The following USP54 variants were observed in gnomAD, a reference collection of about 807,000 sequenced individuals.
USP54 encodes the protein ubiquitin specific peptidase 54, also known as ubiquitin carboxyl-terminal hydrolase 54.
A neutral mutation model predicts 170.5 loss-of-function variants in USP54; 87 were observed. The ratio of observed to expected loss-of-function variants is 0.51; its 90% confidence interval spans 0.43 to 0.61. The LOEUF (loss-of-function observed/expected upper bound fraction) is 0.61. Ranked by LOEUF, USP54 falls within the 20% of genes least tolerant of loss-of-function variation. The probability of loss-of-function intolerance (pLI) is 0.00; values close to 1 mark genes in which losing one functional copy is unlikely to be tolerated. For missense variants in USP54, 1,786 were observed against 2,047.8 expected, an observed-to-expected ratio of 0.87 and a Z score of 2.47; for synonymous variants, 655 against 742.8, an observed-to-expected ratio of 0.88 and a Z score of 1.92.
chr10:73,513,811 A>T (rs996842033), intron 20 of USP54, among the ~76,000 whole-genome samples: 1 of 151,576 alleles, frequency 6.6e-6, no homozygotes, highest in Non-Finnish European at 1.5e-5. Flanking sequence ...GGTAATACAA[A>T]TTTTTTTTTG....
chr10:73,593,376 CAAA>C (rs772703814), upstream of USP54, among the ~76,000 whole-genome samples: 13 of 60,342 alleles, frequency 2.2e-4, no homozygotes, highest in Non-Finnish European at 2.1e-4. Context: ...GACCCTGTCT[CAAA>C]AAAAAAAAAA....
intron 1 of USP54, among the ~76,000 whole-genome samples, chr10:73,587,318 C>A (rs1231072802): frequency 5.3e-5 from 8 of 151,838 alleles, no homozygotes; most frequent in African/African-American, 1.9e-4. Context: ...CTAAAAAACA[C>A]AAAAAAATTA....
At chr10:73,504,728 G>T in intron 22 of USP54, 122 bp downstream of exon 22, 1 of 1,292,398 alleles carries the variant, frequency 7.7e-7, no homozygotes, top group Non-Finnish European at 1.1e-6. Context: ...TATTTTTGCT[G>T]AGTACACAGG....
Position 73,534,622 on chromosome 10 carries a change from C to T in USP54, c.1293G>A (p.Met431Ile). ...TACCTGTGTCCCGACTGCTCTGAGA[C>T]ATGGAATCATTTTCCACATTATAGA... ...TVIYNVENDS[M>I]SQSSRDTGHL... is the part of the protein sequence containing the mutation. Residue 431 changes from methionine to isoleucine, a missense_variant, in exon 12 of 24, where the codon ATG becomes ATA. By Grantham distance (10) the Met-to-Ile change is conservative (BLOSUM62 1). This residue lies in a region of USP54 where 1,418 missense variants were observed against 1,569.0 expected (regional missense o/e 0.90). Transcript: ENST00000687698. 1 of 1,614,046 alleles carries T rather than the reference C, an allele frequency of 6.2e-7. No individual in the cohort carries two copies. The highest frequency in any genetic ancestry group is 1.1e-5 in the South Asian group (1 of 91,084).
At chr10:73,502,869 A>G (rs2058406373) in intron 22 of USP54, among the ~76,000 whole-genome samples, 2 of 152,050 alleles carry the variant, frequency 1.3e-5, no homozygotes, top group African/African-American at 4.8e-5. Context: ...CCTGCCAGAT[A>G]CCTCCACTCA....
At chr10:73,513,016 C>A (rs905329547) in intron 20 of USP54, among the ~76,000 whole-genome samples, 8 of 151,124 alleles carry the variant, frequency 5.3e-5, no homozygotes, top group East Asian at 4.0e-4. Context: ...CAACATGAGA[C>A]CCTGTCTCAA....
In USP54 at chr10:73,536,403, C is replaced by A; in HGVS notation, c.1010G>T (p.Cys337Phe). 6.3e-7 allele frequency: 1 copy of A among 1,581,630 alleles called. No homozygotes were observed. The highest frequency in any genetic ancestry group is 1.2e-5 in the South Asian group (1 of 85,268). ...GPKWKDVVTK[C>F]IKGHYQPLLL... ...CAGGGGCTGATAATGCCCCTTGATGCATTTGGTCACCACATCCTTCCATTT... is the reference window on the plus strand; with the variant it reads ...CAGGGGCTGATAATGCCCCTTGATGAATTTGGTCACCACATCCTTCCATTT... The change falls in exon 11 of 24, where the codon TGC becomes TTC. Residue 337 changes from cysteine (C) to phenylalanine (F), a missense_variant. Coordinates refer to ENST00000687698, the MANE Select transcript of USP54 (RefSeq NM_001391956.1).
At chr10:73,526,573 G>C in intron 16 of USP54, 74 bp downstream of exon 16, 1 of 1,584,344 alleles carries the variant, frequency 6.3e-7, no homozygotes, top group Non-Finnish European at 8.6e-7. Context: ...TTTCAAATGT[G>C]CTCAGGTAAG....
intron 4 of USP54, among the ~76,000 whole-genome samples, chr10:73,547,980 C>T (rs932925847): frequency 1.3e-5 from 2 of 151,928 alleles, no homozygotes; most frequent in African/African-American, 4.8e-5. Flanking sequence ...GCAATCTATC[C>T]ATGTGACAAA....
At chr10:73,604,384 A>G (rs1415811418) in intron 1 of USP54, among the ~76,000 whole-genome samples, 1 of 152,200 alleles carries the variant, frequency 6.6e-6, no homozygotes, top group Non-Finnish European at 1.5e-5. Flanking sequence ...ATAGTTCTTC[A>G]AAATTAAAAT....
Position 73,505,371 on chromosome 10 carries a change from T to C in USP54, c.4107A>G (p.Ser1369=). ...RLHSAHDPGL[S]KTSTAEMEHG... ...GCTCCATTTCTGCTGTTGAAGTCTT[T>C]GAGAGACCAGGATCATGGGCTGAGT... is the stretch of plus-strand genomic sequence containing the variant. The change falls in exon 21 of 24, where the codon TCA becomes TCG. Residue 1369 remains serine (S), a synonymous_variant. Coordinates refer to ENST00000687698, the MANE Select transcript of USP54 (RefSeq NM_001391956.1). 1 of 1,614,106 alleles carries C rather than the reference T, an allele frequency of 6.2e-7. No homozygotes were observed. The highest frequency in any genetic ancestry group is 8.5e-7 in the Non-Finnish European group (1 of 1,180,010).
chr10:73,539,540 A>T lies in USP54; in HGVS notation c.879T>A (p.Val293=), dbSNP rs781661621. 1.9e-6 allele frequency: 3 copies of T among 1,612,250 alleles called. No individual in the cohort carries two copies. The Admixed American group carries it at 5.0e-5, about 27-fold the overall frequency. ...GTTTGCCATAGTAACAGATCATTCC[A>T]ACTAAGTACAGTTCAGATTGCTTGG... ...DRAKQSELYL[V]GMICYYGKHY... is the part of the protein sequence containing the mutation. The change falls in exon 10 of 24, where the codon GTT becomes GTA. Residue 293 remains valine, a synonymous_variant. Transcript: ENST00000687698.
intron 9 of USP54, among the ~76,000 whole-genome samples, chr10:73,540,955 A>C (rs187689720): frequency 1.6e-4 from 25 of 152,318 alleles, no homozygotes; most frequent in African/African-American, 5.3e-4. Context: ...TCAGGTCACC[A>C]ACTTTTAACT....
chr10:73,539,552 T>C lies in USP54; in HGVS notation c.867A>G (p.Glu289=), dbSNP rs748484085. The C allele has an allele frequency of 1.2e-6, 2 of 1,610,386 alleles. No individual in the cohort carries two copies. The highest frequency in any genetic ancestry group is 3.3e-5 in the Admixed American group (2 of 59,828). The change falls in exon 10 of 24, where the codon GAA becomes GAG. Residue 289 remains glutamate (E), a synonymous_variant. Transcript: ENST00000687698. ...RVTDDRAKQS[E]LYLVGMICYY... is the part of the protein sequence containing the mutation. ...AACAGATCATTCCAACTAAGTACAG[T>C]TCAGATTGCTTGGCCCGGTCATCCG...
intron 1 of USP54, among the ~76,000 whole-genome samples, chr10:73,611,284 T>C (rs1053429412): frequency 1.1e-4 from 17 of 152,146 alleles, no homozygotes; most frequent in African/African-American, 3.9e-4. Context: ...GTGAATTCCA[T>C]TTTTCTACTA....
At chr10:73,499,599 G>A (rs1031725220) in intron 23 of USP54, 5 of 160,470 alleles carry the variant, frequency 3.1e-5, no homozygotes, top group Admixed American at 1.2e-4. Flanking sequence ...AAATAGAGAC[G>A]GGATCTCACT....
Position 73,529,587 on chromosome 10 carries a change from C to G in USP54, c.2060+93G>C, listed in dbSNP as rs149339241. On this transcript the variant is annotated intron_variant, in intron 15 of 23. Coordinates refer to ENST00000687698, the MANE Select transcript of USP54 (RefSeq NM_001391956.1). ...ACATAGAGATAATAGCAAAGGCCAT[C>G]CCTCCACTTGTCTCAGCCATGCCTG... is the stretch of plus-strand genomic sequence containing the variant. 2.0e-4 allele frequency: 275 copies of G among 1,374,126 alleles called. 2 individuals carry two copies. The African/African-American group carries it at 2.2e-3, about 11-fold the overall frequency. The allele number at this position is 1,374,126 out of a possible 1,614,324, so 85.1% of individuals were successfully genotyped here.
At chr10:73,526,854 C>T in intron 15 of USP54, 74 bp from the exon 16 acceptor site, 1 of 1,488,512 alleles carries the variant, frequency 6.7e-7, no homozygotes, top group Non-Finnish European at 9.0e-7. Context: ...CTAAATCTCT[C>T]TCTCAAAAAA....
Position 73,516,448 on chromosome 10 carries a change from A to C in USP54, c.3978T>G (p.Ser1326Arg). The change falls in exon 20 of 24, where the codon AGT (serine) becomes AGG (arginine). Residue 1326 changes from serine to arginine, a missense_variant. Physicochemically the swap from Ser to Arg is moderately radical, Grantham distance 110. Around this residue, in one of 3 missense-constraint regions of USP54, gnomAD observed 1,418 missense variants for 1,569.0 expected, o/e 0.90. Transcript: ENST00000687698. ...TSELESLYQA[S>R]LQASQAGCSG... ...AACAGCCAGCTTGAGAAGCCTGAAG[A>C]CTGGCCTGATACAGAGACTCCAATT... The C allele has an allele frequency of 6.2e-7, 1 of 1,613,830 alleles. No homozygotes were observed. Among genetic ancestry groups the C allele is most frequent in the Non-Finnish European group, 8.5e-7 (1 of 1,179,990 alleles).
Sources: gnomAD v4.1 joint callset for allele counts (sites outside exome capture counted in the v4.1 genomes callset) on GRCh38, gnomAD v4.1.1 for gene constraint, gnomAD v4.1.1 regional missense constraint, MANE v1.5 for transcripts, NCBI Gene and HGNC (gene_info 2026-07-23, HGNC 2026-07-21) for gene names.